Variants in DLG1 observed in about 807,000 individuals in gnomAD.
The protein encoded by DLG1 is discs large MAGUK scaffold protein 1, also known as disks large homolog 1.
In DLG1, 42 loss-of-function variants were observed where a neutral mutation model predicts 123.4. The observed-to-expected ratio is 0.34, with a 90% CI of 0.27 to 0.44. The LOEUF (loss-of-function observed/expected upper bound fraction) is 0.44, where lower values mean the gene tolerates loss of function less well. Ranked by LOEUF, DLG1 falls within the 20% of genes least tolerant of loss-of-function variation. The pLI is 1.00. For missense variants in DLG1, 942 were observed against 1,082.6 expected (o/e 0.87, Z 1.82); for synonymous variants, 317 against 356.2 (o/e 0.89, Z 1.24).
intron 4 of DLG1, among the ~76,000 whole-genome samples, chr3:197,239,302 A>G (rs1400732906): frequency 6.6e-6 from 1 of 152,184 alleles, no homozygotes; most frequent in East Asian, 1.9e-4. Context: ...AAATAGATCT[A>G]TAATTAGCAG....
At chr3:197,277,825 G>A (rs1487508336) in intron 4 of DLG1, among the ~76,000 whole-genome samples, 2 of 151,854 alleles carry the variant, frequency 1.3e-5, no homozygotes, top group East Asian at 1.9e-4. Context: ...TAAAAATGAT[G>A]TGTTATTTTT....
intron 11 of DLG1, among the ~76,000 whole-genome samples, chr3:197,129,213 C>T (rs1781300179): frequency 6.6e-6 from 1 of 152,238 alleles, no homozygotes; most frequent in South Asian, 2.1e-4. Flanking sequence ...GGTGTAGCCA[C>T]TTCCATTAAG....
intron 10 of DLG1, 72 bp downstream of exon 10, chr3:197,136,470 A>C: frequency 7.6e-7 from 1 of 1,308,342 alleles, no homozygotes; most frequent in South Asian, 1.5e-5. Context: ...GGTATGGAGA[A>C]ATTCCAGTAT....
At chr3:197,261,480 T>G (rs978821428) in intron 4 of DLG1, among the ~76,000 whole-genome samples, 10 of 152,198 alleles carry the variant, frequency 6.6e-5, no homozygotes, top group African/African-American at 2.4e-4. Context: ...CTAACAAATT[T>G]TTAATGCATA....
chr3:197,195,262 A>C (rs918561954), intron 4 of DLG1, among the ~76,000 whole-genome samples: 4 of 152,022 alleles, frequency 2.6e-5, no homozygotes, highest in Non-Finnish European at 5.9e-5. Flanking sequence ...CAAGAAACCA[A>C]GGTTTATTAA....
At chr3:197,097,586 T>C (rs1435844004) in intron 14 of DLG1, among the ~76,000 whole-genome samples, 1 of 146,658 alleles carries the variant, frequency 6.8e-6, no homozygotes, top group Non-Finnish European at 1.5e-5. Context: ...CTTTCTTTTT[T>C]TTTTTTTTTT....
chr3:197,259,046 G>C (rs1048906457), intron 4 of DLG1, among the ~76,000 whole-genome samples: 2 of 152,160 alleles, frequency 1.3e-5, no homozygotes, highest in African/African-American at 2.4e-5. Flanking sequence ...ATGGAGCAGA[G>C]AGAGGAGATA....
chr3:197,069,573 AG>A (rs1742174779), intron 18 of DLG1: 1 of 194,576 alleles, frequency 5.1e-6, no homozygotes, highest in Non-Finnish European at 1.0e-5. Context: ...TAAAACTCAA[AG>A]GAGAAAATAC....
intron 4 of DLG1, among the ~76,000 whole-genome samples, chr3:197,254,957 G>A (rs1756149627): frequency 6.6e-6 from 1 of 152,078 alleles, no homozygotes; most frequent in South Asian, 2.1e-4. Flanking sequence ...TCAGGAGGAT[G>A]AGGCAGGAGA....
intron 5 of DLG1, among the ~76,000 whole-genome samples, chr3:197,158,634 C>A (rs377085402): frequency 0.015 from 981 of 66,226 alleles, no homozygotes; most frequent in East Asian, 0.029. Context: ...AACTCCATTT[C>A]AAAAAAAAAA....
chr3:197,075,754 C>T, intron 18 of DLG1: 1 of 1,263,370 alleles, frequency 7.9e-7, no homozygotes, highest in Non-Finnish European at 1.1e-6. Flanking sequence ...AAAGGCACTA[C>T]CATGAATCTC....
At chr3:197,076,076 A>C (rs887807008) in intron 18 of DLG1, among the ~76,000 whole-genome samples, 1 of 152,212 alleles carries the variant, frequency 6.6e-6, no homozygotes, top group Non-Finnish European at 1.5e-5. Flanking sequence ...TGAAAGTTCT[A>C]GCATGAAGGC....
chr3:197,266,150 AT>A (rs1314401248), intron 4 of DLG1, among the ~76,000 whole-genome samples: 13 of 152,320 alleles, frequency 8.5e-5, no homozygotes, highest in East Asian at 3.9e-4. Flanking sequence ...GAATAAAAAA[AT>A]ATCTAGGCCC....
intron 22 of DLG1, among the ~76,000 whole-genome samples, chr3:197,061,257 T>C (rs954695444): frequency 6.6e-6 from 1 of 152,246 alleles, no homozygotes; most frequent in African/African-American, 2.4e-5. Context: ...CATTATCTAC[T>C]TTCATCAGAC....
intron 14 of DLG1, among the ~76,000 whole-genome samples, chr3:197,102,758 C>T (rs1482816946): frequency 6.6e-6 from 1 of 152,146 alleles, no homozygotes; most frequent in African/African-American, 2.4e-5. Flanking sequence ...GCCTGTAATC[C>T]CACCTACTTG....
At chr3:197,110,630 T>G (rs1280034161) in intron 13 of DLG1, among the ~76,000 whole-genome samples, 2 of 152,212 alleles carry the variant, frequency 1.3e-5, no homozygotes, top group African/African-American at 4.8e-5. Flanking sequence ...CAACTCCAGA[T>G]AGCAGAACTG....
At chr3:197,175,176 C>T (rs1050906936) in intron 5 of DLG1, among the ~76,000 whole-genome samples, 22 of 152,168 alleles carry the variant, frequency 1.4e-4, no homozygotes, top group Non-Finnish European at 1.2e-4. Flanking sequence ...AAAATTACCA[C>T]ATCAGTTGGT....
chr3:197,118,017 T>G (rs1774256574), intron 12 of DLG1, among the ~76,000 whole-genome samples: 1 of 152,102 alleles, frequency 6.6e-6, no homozygotes, highest in South Asian at 2.1e-4. Context: ...GAAAGACTGC[T>G]TAAAGTCAAA....
At chr3:197,185,995 A>G (rs953428037) in intron 5 of DLG1, among the ~76,000 whole-genome samples, 22 of 152,190 alleles carry the variant, frequency 1.4e-4, no homozygotes, top group African/African-American at 5.1e-4. Flanking sequence ...ACTGCCTCCC[A>G]TATTTCCCCA....
Sources: allele counts gnomAD v4.1 joint callset (sites outside exome capture counted in the v4.1 genomes callset), GRCh38; gene constraint gnomAD v4.1.1; transcripts MANE v1.5; gene names NCBI Gene and HGNC (gene_info 2026-07-23, HGNC 2026-07-21).